Variants in SGCB observed in about 807,000 individuals in gnomAD.
SGCB encodes beta-sarcoglycan.
A neutral mutation model predicts 27.3 loss-of-function variants in SGCB; 25 were observed. The ratio of observed to expected loss-of-function variants is 0.92; its 90% CI spans 0.67 to 1.28. SGCB has a LOEUF of 1.28. Among genes scored for constraint, SGCB ranks in the 50% most tolerant of loss-of-function variants. SGCB has a pLI of 0.00. For missense variants in SGCB, 436 were observed against 402.1 expected, an observed-to-expected ratio of 1.08 and a Z score of -0.72; for synonymous variants, 147 against 133.5, an observed-to-expected ratio of 1.10 and a Z score of -0.70.
intron 1 of SGCB, 36 bp downstream of exon 1, chr4:52,038,191 C>T (rs1480704052): frequency 1.6e-6 from 2 of 1,218,348 alleles, no homozygotes; most frequent in East Asian, 3.6e-5. Flanking sequence ...GCCTCCCCCG[C>T]TCCTCCAGCC....
intron 1 of SGCB, among the ~76,000 whole-genome samples, chr4:52,034,429 C>CCCTAAACA (rs1240368458): frequency 7.0e-6 from 1 of 142,768 alleles, no homozygotes; most frequent in East Asian, 2.2e-4. Flanking sequence ...TGTCATTATT[C>CCCTAAACA]CCTAAACAAT....
At chr4:52,025,548 T>A (rs967119254) in intron 5 of SGCB, among the ~76,000 whole-genome samples, 1 of 152,152 alleles carries the variant, frequency 6.6e-6, no homozygotes, top group African/African-American at 2.4e-5. Flanking sequence ...CAGTAGGAGA[T>A]GAGTCAAAGA....
chr4:52,034,989 A>G (rs1737348772), intron 1 of SGCB, among the ~76,000 whole-genome samples: 1 of 152,180 alleles, frequency 6.6e-6, no homozygotes, highest in Non-Finnish European at 1.5e-5. Flanking sequence ...ACCCACATAA[A>G]CCAAAGCTCT....
chr4:52,038,251 T>TGCCGCCATCTTCCCGC lies in SGCB; in HGVS notation c.-8_8dup (p.Ala4ArgfsTer26). The stretch of plus-strand genomic sequence containing the variant: ...CCTGTTCTGCAGCCGCCGCCGCCGC[T>TGCCGCCATCTTCCCGC]GCCGCCATCTTCCCGCGCCCGCCGC... On this transcript the variant is annotated frameshift_variant, in exon 1 of 6. Transcript: ENST00000381431. LOFTEE classifies it high-confidence loss of function. 2 of 1,295,844 alleles carry TGCCGCCATCTTCCCGC rather than the reference T, an allele frequency of 1.5e-6. No individual in the cohort carries two copies. The highest frequency in any genetic ancestry group is 2.0e-6 in the Non-Finnish European group (2 of 1,018,504). The allele number at this position is 1,295,844 out of a possible 1,614,324, so 80.3% of individuals were successfully genotyped here. A position where few individuals can be genotyped will look rare whatever the true frequency, so the allele number is the denominator to read the frequency against.
At chr4:52,037,110 C>T (rs1186767720) in intron 1 of SGCB, among the ~76,000 whole-genome samples, 2 of 152,162 alleles carry the variant, frequency 1.3e-5, no homozygotes, top group African/African-American at 2.4e-5. Context: ...ATAACTTAGG[C>T]GGGAAATGAG....
At chr4:52,024,594 C>T (rs927022055) in intron 5 of SGCB, among the ~76,000 whole-genome samples, 1 of 151,850 alleles carries the variant, frequency 6.6e-6, no homozygotes, top group African/African-American at 2.4e-5. Context: ...TTTGGGAGGC[C>T]GAGGTGGGCG....
chr4:52,023,694 T>A lies in SGCB; in HGVS notation c.*263A>T. 1 of 419,342 alleles carries A rather than the reference T, an allele frequency of 2.4e-6. No homozygotes were observed. Among genetic ancestry groups the A allele is most frequent in the East Asian group, 4.9e-5 (1 of 20,406 alleles). 26.0% of individuals were successfully genotyped at this position (419,342 alleles called of 1,614,324 possible). A position where few individuals can be genotyped will look rare whatever the true frequency, so the allele number is the denominator to read the frequency against. On this transcript the variant is annotated 3_prime_UTR_variant, in exon 6 of 6. Transcript: ENST00000381431. ...GGGATAGTGGAATTTTAAAAACACG[T>A]CTTTAAACATGACTTTTGATTTTAT... is the stretch of plus-strand genomic sequence containing the variant.
intron 5 of SGCB, among the ~76,000 whole-genome samples, chr4:52,027,632 C>CAAA (rs71660472): frequency 2.9e-5 from 3 of 102,100 alleles, no homozygotes; most frequent in Non-Finnish European, 6.2e-5. Context: ...GATCATTATA[C>CAAA]AAAAAAAAAA....
At chr4:52,035,859 A>G (rs1425819285) in intron 1 of SGCB, among the ~76,000 whole-genome samples, 1 of 152,202 alleles carries the variant, frequency 6.6e-6, no homozygotes, top group Non-Finnish European at 1.5e-5. Flanking sequence ...GGTCCACATA[A>G]AAGAGAGAAA....
At chr4:52,032,299 T>G (rs1737269847) in intron 2 of SGCB, among the ~76,000 whole-genome samples, 1 of 152,192 alleles carries the variant, frequency 6.6e-6, no homozygotes, top group African/African-American at 2.4e-5. Flanking sequence ...TACAAGGTAC[T>G]TCCACCAACA....
At chr4:52,031,406 A>ATGTGTGTGTGTGTGTGTGTGTG in intron 2 of SGCB, among the ~76,000 whole-genome samples, 1 of 142,730 alleles carries the variant, frequency 7.0e-6, no homozygotes, top group Non-Finnish European at 1.5e-5. Context: ...GTGTGTGTGT[A>ATGTGTGTGTGTGTGTGTGTGTG]TGTGTGTGTG....
chr4:52,030,115 T>C (rs1737211083), intron 2 of SGCB, among the ~76,000 whole-genome samples: 1 of 152,196 alleles, frequency 6.6e-6, no homozygotes, highest in Admixed American at 6.5e-5. Context: ...TTATTTTTTC[T>C]ACCCTCTCCA....
At chr4:52,034,331 CAAAAAAAAAAAAAAAAAAAAAAAAA>C (rs541129158) in intron 1 of SGCB, among the ~76,000 whole-genome samples, 63 of 26,522 alleles carry the variant, frequency 2.4e-3, no homozygotes, top group East Asian at 6.5e-3. Flanking sequence ...GACTCCGTCT[CAAAAAAAAAAAAAAAAAAAAAAAAA>C]AAAAAAAAAA....
At chr4:52,025,104 C>A (rs561507240) in intron 5 of SGCB, among the ~76,000 whole-genome samples, 2 of 152,242 alleles carry the variant, frequency 1.3e-5, no homozygotes, top group South Asian at 4.1e-4. Context: ...TACTGAGTGC[C>A]TGCTGTATGC....
intron 5 of SGCB, among the ~76,000 whole-genome samples, chr4:52,025,777 A>G (rs1424699203): frequency 6.6e-6 from 1 of 152,212 alleles, no homozygotes; most frequent in Non-Finnish European, 1.5e-5. Flanking sequence ...GAATGATGGC[A>G]GTTTACATCA....
rs1189573360 is a variant in SGCB at position 52,021,975 on chromosome 4, TATAAAA to T, written c.*1976_*1981del. ...TTGTAATACAGTGTTTTCTGGTTTT[TATAAAA>T]ATATTTACTTAAATAAACTTTTAAA... On this transcript the variant is annotated 3_prime_UTR_variant, in exon 6 of 6. Transcript: ENST00000381431. The T allele has an allele frequency of 6.6e-6, 1 of 152,134 alleles. No individual in the cohort carries two copies. The highest frequency in any genetic ancestry group is 1.5e-5 in the Non-Finnish European group (1 of 68,034). The allele number at this position is 152,134 out of a possible 1,614,324, so 9.4% of individuals were successfully genotyped here.
Position 52,022,308 on chromosome 4 carries a change from G to GT in SGCB, c.*1648dup, listed in dbSNP as rs886059430. The GT allele has an allele frequency of 6.6e-6, 1 of 152,140 alleles. No individual in the cohort carries two copies. The highest frequency in any genetic ancestry group is 1.5e-5 in the Non-Finnish European group (1 of 68,006). 9.4% of individuals were successfully genotyped at this position (152,140 alleles called of 1,614,324 possible). On this transcript the variant is annotated 3_prime_UTR_variant, in exon 6 of 6. Coordinates refer to ENST00000381431, the MANE Select transcript of SGCB (RefSeq NM_000232.5). Reference sequence around the variant, plus strand: ...AATGTGACAATATTGAATACAAATTGTTTTTTGTATTGGTTTTCTTATGTG... The same window carrying GT: ...AATGTGACAATATTGAATACAAATTGTTTTTTTGTATTGGTTTTCTTATGTG...
chr4:52,031,711 C>T (rs997145447), intron 2 of SGCB: 27 of 264,128 alleles, frequency 1.0e-4, no homozygotes, highest in African/African-American at 5.8e-4. Context: ...GAGTTTTCAT[C>T]TCTATCATTT....
intron 1 of SGCB, among the ~76,000 whole-genome samples, chr4:52,038,012 C>T (rs1737442079): frequency 1.3e-5 from 2 of 152,176 alleles, no homozygotes; most frequent in South Asian, 2.1e-4. Flanking sequence ...CCGGGCCGAG[C>T]CCGAGGCCGC....
Sources: allele counts gnomAD v4.1 joint callset (sites outside exome capture counted in the v4.1 genomes callset), GRCh38; gene constraint gnomAD v4.1.1; transcripts MANE v1.5; gene names NCBI Gene and HGNC (gene_info 2026-07-23, HGNC 2026-07-21).